ELL2: variants seen among roughly 807,000 people sequenced by gnomAD.
The protein encoded by ELL2 is elongation factor for RNA polymerase II 2.
ELL2 carries 21 observed loss-of-function variants against 72.8 expected under a neutral mutation model. The observed-to-expected ratio is 0.29, with a 90% CI of 0.20 to 0.42. The LOEUF is 0.42. Ranked by LOEUF, ELL2 falls within the 10% of genes least tolerant of loss-of-function variation. The pLI is 1.00. For missense variants in ELL2, 568 were observed against 772.8 expected, an observed-to-expected ratio of 0.73 and a Z score of 3.14; for synonymous variants, 266 against 283.2, an observed-to-expected ratio of 0.94 and a Z score of 0.61.
rs182688616 is a variant in ELL2 at position 95,948,258 on chromosome 5, C to T, written c.148-5209G>A. Among the ~76,000 whole-genome samples, 207 of 149,038 alleles carry T rather than the reference C, an allele frequency of 1.4e-3. 1 individual carries two copies. The highest frequency in any genetic ancestry group is 4.7e-3 in the African/African-American group (193 of 41,182). ...CATCCTGGCTAACATGGTGAAACCCCGTCTCTACTAAAAAAACGAAAAATT... is the reference window on the plus strand; with the variant it reads ...CATCCTGGCTAACATGGTGAAACCCTGTCTCTACTAAAAAAACGAAAAATT... On this transcript the variant is annotated intron_variant, in intron 1 of 11. Transcript: ENST00000237853.
intron 2 of ELL2, among the ~76,000 whole-genome samples, chr5:95,930,737 T>TA (rs1197126309): frequency 2.6e-5 from 4 of 152,228 alleles, no homozygotes; most frequent in Admixed American, 2.0e-4. Flanking sequence ...GCCACTGTGG[T>TA]AAGTCCTCCC....
At chr5:95,907,814 C>T (rs1482607907) in intron 4 of ELL2, among the ~76,000 whole-genome samples, 1 of 152,172 alleles carries the variant, frequency 6.6e-6, no homozygotes, top group Admixed American at 6.5e-5. Flanking sequence ...GCATTAGGAA[C>T]AAGACTAACA....
At position 95,906,616 on chromosome 5, in the gene ELL2, C is replaced by T. The variant is rs1410951408; in HGVS notation, c.648G>A (p.Leu216=). 8 of 1,613,988 alleles carry T rather than the reference C, an allele frequency of 5.0e-6. No homozygotes were observed. Among genetic ancestry groups the T allele is most frequent in the African/African-American group, 1.3e-5 (1 of 74,926 alleles). The change falls in exon 5 of 12, where the codon CTG becomes CTA. Residue 216 remains leucine, a synonymous_variant. Transcript: ENST00000237853. ...GTAGCTCCGGTTTCTTGTAGGCCTT[C>T]AGGGCCAGTAAGTGAATCACCCTGT... ...YRDRVIHLLA[L]KAYKKPELLA...
intron 8 of ELL2, among the ~76,000 whole-genome samples, chr5:95,897,370 A>G (rs1748914305): frequency 6.6e-6 from 1 of 151,402 alleles, no homozygotes; most frequent in Non-Finnish European, 1.5e-5. Flanking sequence ...ACTGGCAGCA[A>G]TGCCAAATGG....
At chr5:95,930,909 ATT>A (rs11320626) in intron 2 of ELL2, among the ~76,000 whole-genome samples, 9 of 150,694 alleles carry the variant, frequency 6.0e-5, no homozygotes, top group Non-Finnish European at 1.2e-4. Flanking sequence ...ATTTTGTGCC[ATT>A]TTTTTTTTAT....
chr5:95,902,538 T>A (rs1168942490), intron 5 of ELL2, among the ~76,000 whole-genome samples: 1 of 152,216 alleles, frequency 6.6e-6, no homozygotes, highest in Non-Finnish European at 1.5e-5. Context: ...TGCTTATGAC[T>A]TCCTACTGGA....
Position 95,898,552 on chromosome 5 carries a change from G to T in ELL2, c.1213C>A (p.Arg405=). Residue 405 remains arginine (R), a synonymous_variant, in exon 8 of 12, where the codon CGG becomes AGG. Coordinates refer to ENST00000237853, the MANE Select transcript of ELL2 (RefSeq NM_012081.6). ...NSNSPSTPEG[R]GTQDLPVDSF... is the part of the protein sequence containing the mutation. ...TCAACAGGTAGGTCTTGAGTCCCCCGGCCTTCTGGAGTGCTAGGGGAGTTG... is the reference window on the plus strand; with the variant it reads ...TCAACAGGTAGGTCTTGAGTCCCCCTGCCTTCTGGAGTGCTAGGGGAGTTG... 6.2e-7 allele frequency: 1 copy of T among 1,614,078 alleles called. No homozygotes were observed. The highest frequency in any genetic ancestry group is 8.5e-7 in the Non-Finnish European group (1 of 1,180,026).
chr5:95,943,169 C>T, intron 1 of ELL2, 120 bp from the exon 2 acceptor site: 3 of 691,566 alleles, frequency 4.3e-6, no homozygotes, highest in Non-Finnish European at 6.4e-6. Context: ...GACTCTAATC[C>T]CAGCACTTTG....
At chr5:95,915,708 A>G (rs556437388) in intron 3 of ELL2, among the ~76,000 whole-genome samples, 2 of 152,356 alleles carry the variant, frequency 1.3e-5, no homozygotes, top group East Asian at 1.9e-4. Flanking sequence ...GAGGTGATCT[A>G]GAAAGATGAC....
intron 4 of ELL2, among the ~76,000 whole-genome samples, chr5:95,908,297 C>G (rs1400575871): frequency 6.6e-6 from 1 of 152,164 alleles, no homozygotes; most frequent in Non-Finnish European, 1.5e-5. Flanking sequence ...GGTACCGTCC[C>G]CTTTCACAGA....
chr5:95,947,286 T>G (rs974243344), intron 1 of ELL2, among the ~76,000 whole-genome samples: 19 of 152,208 alleles, frequency 1.2e-4, no homozygotes, highest in Non-Finnish European at 4.4e-5. Flanking sequence ...ATATGCAGAT[T>G]ACTATTCAGG....
Position 95,943,009 on chromosome 5 carries a change from A to T in ELL2, c.188T>A (p.Leu63His). ...ATCAATAAGAGTACTCACCCCGTGGAGTCCTTGGAACTGGATTGAAGGTCG... is the reference window on the plus strand; with the variant it reads ...ATCAATAAGAGTACTCACCCCGTGGTGTCCTTGGAACTGGATTGAAGGTCG... ...PFRPSIQFQG[L>H]HGLVKIPKND... The change falls in exon 2 of 12, where the codon CTC becomes CAC. Residue 63 changes from leucine to histidine, a missense_variant. Coordinates refer to ENST00000237853, the MANE Select transcript of ELL2 (RefSeq NM_012081.6). The T allele has an allele frequency of 6.3e-7, 1 of 1,595,444 alleles. No individual in the cohort carries two copies. The highest frequency in any genetic ancestry group is 8.5e-7 in the Non-Finnish European group (1 of 1,170,886).
intron 1 of ELL2, among the ~76,000 whole-genome samples, chr5:95,943,590 A>G (rs192611756): frequency 2.6e-4 from 39 of 152,298 alleles, no homozygotes; most frequent in Middle Eastern, 3.4e-3. Flanking sequence ...GGAAGAGATA[A>G]TTGGAGGAAC....
chr5:95,888,749 G>A lies in ELL2; in HGVS notation c.*122C>T. ...AAATGGAAAAGAAAAAGTAACTCAA[G>A]TTTACTAATACTGAAACTTTCAACA... On this transcript the variant is annotated 3_prime_UTR_variant, in exon 12 of 12. Transcript: ENST00000237853. 7.7e-6 allele frequency: 5 copies of A among 649,912 alleles called. No homozygotes were observed. Among genetic ancestry groups the A allele is most frequent in the Non-Finnish European group, 4.8e-6 (2 of 414,018 alleles). The allele number at this position is 649,912 out of a possible 1,614,324, so 40.3% of individuals were successfully genotyped here. A position where few individuals can be genotyped will look rare whatever the true frequency, so the allele number is the denominator to read the frequency against.
At chr5:95,911,918 T>A (rs1350815294) in intron 4 of ELL2, among the ~76,000 whole-genome samples, 2 of 152,114 alleles carry the variant, frequency 1.3e-5, no homozygotes, top group Non-Finnish European at 2.9e-5. Flanking sequence ...GTGCCCGGAT[T>A]GGCCGAGATC....
chr5:95,954,596 C>CTTTTTTT (rs1169301940), intron 1 of ELL2, among the ~76,000 whole-genome samples: 178 of 105,854 alleles, frequency 1.7e-3, no homozygotes, highest in Non-Finnish European at 1.8e-3. Flanking sequence ...TTTTTTTTTT[C>CTTTTTTT]TTTTTTTTTT....
intron 4 of ELL2, among the ~76,000 whole-genome samples, chr5:95,907,046 A>G (rs1749388339): frequency 6.6e-6 from 1 of 152,158 alleles, no homozygotes; most frequent in Non-Finnish European, 1.5e-5. Flanking sequence ...TGCTACAGAA[A>G]GATAATAACT....
At chr5:95,908,880 T>C (rs984697276) in intron 4 of ELL2, among the ~76,000 whole-genome samples, 8 of 152,212 alleles carry the variant, frequency 5.3e-5, no homozygotes, top group African/African-American at 1.9e-4. Context: ...CCCTTCTTTC[T>C]TTCTGGGAAG....
intron 7 of ELL2, among the ~76,000 whole-genome samples, chr5:95,899,933 G>A (rs1419915940): frequency 3.9e-5 from 6 of 152,084 alleles, no homozygotes; most frequent in Non-Finnish European, 8.8e-5. Context: ...TGTTTGCCCA[G>A]GGTATGCTTA....
Sources: gnomAD v4.1 joint callset for allele counts (sites outside exome capture counted in the v4.1 genomes callset) on GRCh38, gnomAD v4.1.1 for gene constraint, MANE v1.5 for transcripts, NCBI Gene and HGNC (gene_info 2026-07-23, HGNC 2026-07-21) for gene names.